The following SLCO3A1 variants were observed in gnomAD, a reference collection of about 807,000 sequenced individuals.
The protein encoded by SLCO3A1 is solute carrier organic anion transporter family member 3A1, also known as PGE1 transporter.
Under a neutral mutation model 63.1 loss-of-function variants are expected in SLCO3A1, and 27 were observed. The ratio of observed to expected loss-of-function variants is 0.43; its 90% CI spans 0.32 to 0.59. The LOEUF is 0.59. SLCO3A1 is among the 20% of genes least tolerant of loss of function. SLCO3A1 has a pLI of 0.09. For synonymous variants in SLCO3A1, 473 were observed against 409.9 expected (o/e 1.15, Z -1.86); for missense variants, 773 against 945.8 (o/e 0.82, Z 2.40).
At chr15:92,027,237 T>C (rs1213712622) in intron 2 of SLCO3A1, among the ~76,000 whole-genome samples, 1 of 152,200 alleles carries the variant, frequency 6.6e-6, no homozygotes, top group East Asian at 1.9e-4. Context: ...TGACAATAAA[T>C]GCTAAATACG....
At chr15:92,141,908 C>A (rs903320322) in intron 7 of SLCO3A1, among the ~76,000 whole-genome samples, 2 of 152,192 alleles carry the variant, frequency 1.3e-5, no homozygotes, top group African/African-American at 4.8e-5. Context: ...CCTTGGATCC[C>A]CTGCTGGAGA....
At chr15:91,987,780 C>T (rs968705961) in intron 2 of SLCO3A1, among the ~76,000 whole-genome samples, 5 of 150,718 alleles carry the variant, frequency 3.3e-5, no homozygotes, top group Non-Finnish European at 5.9e-5. Flanking sequence ...TAATTGTGGT[C>T]GCAGCTCAAA....
At chr15:91,908,273 A>AT (rs892953582) in intron 1 of SLCO3A1, among the ~76,000 whole-genome samples, 7 of 144,054 alleles carry the variant, frequency 4.9e-5, no homozygotes, top group Non-Finnish European at 1.1e-4. Flanking sequence ...GTCTGTGTCT[A>AT]TGAGATTCTC....
At chr15:91,958,067 C>A (rs1291330997) in intron 2 of SLCO3A1, among the ~76,000 whole-genome samples, 1 of 151,872 alleles carries the variant, frequency 6.6e-6, no homozygotes, top group Non-Finnish European at 1.5e-5. Flanking sequence ...TGGAGATTTG[C>A]AACAATTTGA....
rs142932554 is a variant in SLCO3A1 at position 92,020,845 on chromosome 15, A to G, written c.647-74036A>G. ...GGTACAGCATTTTCCAAAAACAGAT[A>G]TTCTTCCAAGCCGACTTAGAAATAT... is the stretch of plus-strand genomic sequence containing the variant. On this transcript the variant is annotated intron_variant, in intron 2 of 9. Transcript: ENST00000318445. 4.4e-3 allele frequency among the ~76,000 whole-genome samples: 667 copies of G among 152,360 alleles called. 5 individuals carry two copies. Among genetic ancestry groups the G allele is most frequent in the African/African-American group, 0.015 (642 of 41,590 alleles).
At chr15:91,963,781 G>A (rs1900551304) in intron 2 of SLCO3A1, among the ~76,000 whole-genome samples, 2 of 152,082 alleles carry the variant, frequency 1.3e-5, no homozygotes, top group South Asian at 4.1e-4. Context: ...GAGTATTACA[G>A]ATCATAAAGG....
In SLCO3A1 at chr15:92,132,396, C is replaced by T. The variant is rs556184140; in HGVS notation, c.1512+3907C>T. ...ATAGCAATGGAAGTTTCCAGGCCTGCATTTAATGTACGACTTCTAATTCTT... is the reference window on the plus strand; with the variant it reads ...ATAGCAATGGAAGTTTCCAGGCCTGTATTTAATGTACGACTTCTAATTCTT... On this transcript the variant is annotated intron_variant, in intron 7 of 9. Coordinates refer to ENST00000318445, the MANE Select transcript of SLCO3A1 (RefSeq NM_013272.4). Among the ~76,000 whole-genome samples, 5 of 143,830 alleles carry T rather than the reference C, an allele frequency of 3.5e-5. No individual in the cohort carries two copies. The East Asian group carries it at 9.7e-4, about 28-fold the overall frequency. 94.4% of individuals were successfully genotyped at this position (143,830 alleles called of 152,430 possible).
At chr15:91,857,873 A>C (rs1463729049) in intron 1 of SLCO3A1, among the ~76,000 whole-genome samples, 1 of 152,192 alleles carries the variant, frequency 6.6e-6, no homozygotes, top group Non-Finnish European at 1.5e-5. Context: ...AAAAAAGGCC[A>C]GTCTAGTTTC....
Position 91,941,430 on chromosome 15 carries a change from C to T in SLCO3A1, c.646+24972C>T, listed in dbSNP as rs1399167038. The T allele has an allele frequency of 2.6e-5, 11 of 422,212 alleles. No homozygotes were observed. The highest frequency in any genetic ancestry group is 4.3e-5 in the Non-Finnish European group (9 of 211,336). The allele number at this position is 422,212 out of a possible 1,614,324, so 26.2% of individuals were successfully genotyped here. A position where few individuals can be genotyped will look rare whatever the true frequency, so the allele number is the denominator to read the frequency against. The stretch of plus-strand genomic sequence containing the variant: ...GTGTCACGGGAGTGGCGCTGTCACT[C>T]GTTGAGGTGGTGGCCTGGTTCCTTT... On this transcript the variant is annotated intron_variant, in intron 2 of 9. Transcript: ENST00000318445. This position sits in a 1 kb window ranked among gnomAD's most constrained non-coding sequence, Gnocchi z 4.4.
intron 1 of SLCO3A1, among the ~76,000 whole-genome samples, chr15:91,871,198 T>C (rs1897271633): frequency 6.6e-6 from 1 of 152,238 alleles, no homozygotes; most frequent in South Asian, 2.1e-4. Context: ...GGCTGGTTTT[T>C]TGTTTCTGTT....
chr15:92,105,152 G>C (rs2238361), intron 4 of SLCO3A1, among the ~76,000 whole-genome samples: 15,084 of 152,004 alleles, frequency 0.099, 996 homozygotes, highest in East Asian at 0.36. Context: ...TGTAATCCCA[G>C]CTACTCGGGA....
chr15:91,973,450 G>T (rs1041304452), intron 2 of SLCO3A1, among the ~76,000 whole-genome samples: 1 of 152,224 alleles, frequency 6.6e-6, no homozygotes, highest in Non-Finnish European at 1.5e-5. Flanking sequence ...ATCTTTAGTT[G>T]GTGGCTGACT....
Position 92,128,350 on chromosome 15 carries a change from G to C in SLCO3A1, c.1374-1G>C. 6.2e-7 allele frequency: 1 copy of C among 1,613,458 alleles called. No individual in the cohort carries two copies. The highest frequency in any genetic ancestry group is 8.5e-7 in the Non-Finnish European group (1 of 1,179,788). On this transcript the variant is annotated splice_acceptor_variant, in intron 6 of 9. Coordinates refer to ENST00000318445, the MANE Select transcript of SLCO3A1 (RefSeq NM_013272.4). LOFTEE classifies it high-confidence loss of function. ...GCTTCCGTGTTTCCTTTCTTTTCCA[G>C]CACAGCACCTGGCTCAGCCCTGGAC...
chr15:91,935,569 G>T (rs1296169938), intron 2 of SLCO3A1, among the ~76,000 whole-genome samples: 2 of 152,154 alleles, frequency 1.3e-5, no homozygotes, highest in Non-Finnish European at 2.9e-5. Context: ...CCTGATGTTT[G>T]CAAGTATGAT....
intron 2 of SLCO3A1, among the ~76,000 whole-genome samples, chr15:92,069,089 T>TCCCCCCCCCCCCCCCCC (rs760619386): frequency 3.2e-4 from 19 of 59,144 alleles, no homozygotes; most frequent in African/African-American, 3.9e-4. Context: ...ATTCAAGGGC[T>TCCCCCCCCCCCCCCCCC]CCCCCCGCCC....
At chr15:92,042,267 T>C (rs1305097939) in intron 2 of SLCO3A1, among the ~76,000 whole-genome samples, 1 of 152,242 alleles carries the variant, frequency 6.6e-6, no homozygotes, top group Non-Finnish European at 1.5e-5. Flanking sequence ...GCAGAGGCTG[T>C]GCAAACCTAC....
chr15:91,971,401 A>AAAAAT, intron 2 of SLCO3A1, among the ~76,000 whole-genome samples: 1 of 145,052 alleles, frequency 6.9e-6, no homozygotes, highest in Non-Finnish European at 1.5e-5. Flanking sequence ...TCTCAAAAAA[A>AAAAAT]AAAAAAAAAG....
At chr15:92,034,306 A>G (rs2046695560) in intron 2 of SLCO3A1, among the ~76,000 whole-genome samples, 1 of 151,424 alleles carries the variant, frequency 6.6e-6, no homozygotes, top group Non-Finnish European at 1.5e-5. Flanking sequence ...GTAACTGGCT[A>G]GGTGAGGCTG....
intron 2 of SLCO3A1, among the ~76,000 whole-genome samples, chr15:92,047,611 AATATATAAATAT>A (rs2046903920): frequency 4.1e-5 from 1 of 24,230 alleles, no homozygotes; most frequent in African/African-American, 7.1e-5. Flanking sequence ...ATATATATAT[AATATATAAATAT>A]ATATATAAAT....
Sources: allele counts gnomAD v4.1 joint callset (sites outside exome capture counted in the v4.1 genomes callset), GRCh38; gene constraint gnomAD v4.1.1; non-coding constraint Gnocchi (gnomAD v3.1); transcripts MANE v1.5; gene names NCBI Gene and HGNC (gene_info 2026-07-23, HGNC 2026-07-21).